RPS6KB1: variants seen among roughly 807,000 people sequenced by gnomAD.
RPS6KB1 encodes the protein ribosomal protein S6 kinase B1.
A neutral mutation model predicts 70.2 loss-of-function variants in RPS6KB1; 12 were observed. That is an observed-to-expected ratio of 0.17 (90% CI 0.11 to 0.28). RPS6KB1 has a LOEUF of 0.28. RPS6KB1 is among the 10% of genes least tolerant of loss of function. The pLI, the probability that RPS6KB1 is intolerant of heterozygous loss-of-function variation, is 1.00. For missense variants in RPS6KB1, 270 were observed against 646.6 expected, an observed-to-expected ratio of 0.42 and a Z score of 6.32; for synonymous variants, 175 against 211.2, an observed-to-expected ratio of 0.83 and a Z score of 1.49.
chr17:59,936,296 G>A lies in RPS6KB1; in HGVS notation c.1041+19G>A. ...AGTTCAAGTAGGGATTGGCATCTTT[G>A]GTGTTTTGTGGGGAAGATAATGCTA... On this transcript the variant is annotated intron_variant, in intron 11 of 14. Transcript: ENST00000225577. The A allele has an allele frequency of 2.5e-6, 4 of 1,585,200 alleles. No homozygotes were observed. Among genetic ancestry groups the A allele is most frequent in the Non-Finnish European group, 3.4e-6 (4 of 1,169,004 alleles).
intron 1 of RPS6KB1, among the ~76,000 whole-genome samples, chr17:59,905,327 G>A (rs1317404842): frequency 1.3e-5 from 2 of 151,972 alleles, no homozygotes; most frequent in Non-Finnish European, 2.9e-5. Flanking sequence ...TTTCTTGATG[G>A]TGTTGGTGTT....
At chr17:59,902,529 T>G (rs1391901678) in intron 1 of RPS6KB1, among the ~76,000 whole-genome samples, 2 of 152,084 alleles carry the variant, frequency 1.3e-5, no homozygotes, top group African/African-American at 4.8e-5. Context: ...TTCATTTGAG[T>G]TATTCATTCA....
At chr17:59,923,637 G>T (rs1034788056) in intron 4 of RPS6KB1, among the ~76,000 whole-genome samples, 4 of 151,932 alleles carry the variant, frequency 2.6e-5, no homozygotes, top group Non-Finnish European at 5.9e-5. Flanking sequence ...CGCCTCCTGA[G>T]TAGCTGGGAT....
In RPS6KB1 at chr17:59,898,232, G is replaced by C. The variant is rs145992504; in HGVS notation, c.141+4907G>C. Among the ~76,000 whole-genome samples the C allele has an allele frequency of 4.1e-3, 619 of 152,076 alleles. 6 individuals carry two copies. The highest frequency in any genetic ancestry group is 0.014 in the African/African-American group (562 of 41,482). On this transcript the variant is annotated intron_variant, in intron 1 of 14. Transcript: ENST00000225577. ...ATGCAATTTAAAAAATTCTCACTTTGTACTCTAATTCAAAATTTGAAATAA... is the reference window on the plus strand; with the variant it reads ...ATGCAATTTAAAAAATTCTCACTTTCTACTCTAATTCAAAATTTGAAATAA...
chr17:59,909,428 C>T (rs1479534509), intron 1 of RPS6KB1, among the ~76,000 whole-genome samples: 1 of 150,778 alleles, frequency 6.6e-6, no homozygotes, highest in African/African-American at 2.4e-5. Flanking sequence ...ACACCGCACC[C>T]GTCTAATTTT....
At position 59,893,981 on chromosome 17, in the gene RPS6KB1, C is replaced by T. The variant is rs1418358805; in HGVS notation, c.141+656C>T. 2.0e-5 allele frequency: 19 copies of T among 966,052 alleles called. No homozygotes were observed. The highest frequency in any genetic ancestry group is 2.3e-5 in the Non-Finnish European group (19 of 813,540). 59.8% of individuals were successfully genotyped at this position (966,052 alleles called of 1,614,324 possible). A position where few individuals can be genotyped will look rare whatever the true frequency, so the allele number is the denominator to read the frequency against. On this transcript the variant is annotated intron_variant, in intron 1 of 14. Transcript: ENST00000225577. This position sits in a 1 kb window ranked among gnomAD's most constrained non-coding sequence, Gnocchi z 4.1. ...CTTCCGTGTGACTTTTTAAAATAAGCATTTATAAGGACACACGGCACTTGT... is the reference window on the plus strand; with the variant it reads ...CTTCCGTGTGACTTTTTAAAATAAGTATTTATAAGGACACACGGCACTTGT...
intron 1 of RPS6KB1, among the ~76,000 whole-genome samples, chr17:59,908,681 C>T (rs1335863812): frequency 7.8e-6 from 1 of 128,860 alleles, no homozygotes; most frequent in Admixed American, 8.2e-5. Flanking sequence ...TGCAGTGGCG[C>T]GATCTCGGCT....
At chr17:59,898,250 T>C (rs984485732) in intron 1 of RPS6KB1, among the ~76,000 whole-genome samples, 2 of 152,116 alleles carry the variant, frequency 1.3e-5, no homozygotes, top group African/African-American at 4.8e-5. Context: ...ATTCAAAATT[T>C]GAAATAATCA....
chr17:59,921,506 C>T (rs545404077), intron 4 of RPS6KB1, among the ~76,000 whole-genome samples: 1 of 152,184 alleles, frequency 6.6e-6, no homozygotes, highest in Non-Finnish European at 1.5e-5. Flanking sequence ...ACTAACCCCT[C>T]TGACCTGAGT....
intron 2 of RPS6KB1, among the ~76,000 whole-genome samples, chr17:59,911,254 T>C (rs962770014): frequency 2.6e-5 from 4 of 152,248 alleles, no homozygotes; most frequent in African/African-American, 9.6e-5. Flanking sequence ...CTGCTCTGTA[T>C]TGTACTCTCA....
intron 4 of RPS6KB1, among the ~76,000 whole-genome samples, chr17:59,914,993 T>C (rs577574860): frequency 4.9e-5 from 7 of 141,646 alleles, no homozygotes; most frequent in African/African-American, 1.8e-4. Flanking sequence ...TTTTCTTTTC[T>C]TTTTTTTTTT....
Position 59,947,368 on chromosome 17 carries a change from T to TA in RPS6KB1, c.*584dup. On this transcript the variant is annotated 3_prime_UTR_variant, in exon 15 of 15. Coordinates refer to ENST00000225577, the MANE Select transcript of RPS6KB1 (RefSeq NM_003161.4). ...TCATTATGAAAAACATCCCAAACTT[T>TA]AAAATGCGAAATTATTGGTTGGTGT... The TA allele has an allele frequency of 8.3e-7, 1 of 1,208,538 alleles. No homozygotes were observed. The highest frequency in any genetic ancestry group is 1.0e-6 in the Non-Finnish European group (1 of 963,368). 74.9% of individuals were successfully genotyped at this position (1,208,538 alleles called of 1,614,324 possible). A position where few individuals can be genotyped will look rare whatever the true frequency, so the allele number is the denominator to read the frequency against.
At chr17:59,943,130 A>G (rs2044713609) in intron 13 of RPS6KB1, among the ~76,000 whole-genome samples, 1 of 152,240 alleles carries the variant, frequency 6.6e-6, no homozygotes. Context: ...GTCTTACAGT[A>G]TTACATAAGA....
intron 1 of RPS6KB1, among the ~76,000 whole-genome samples, chr17:59,900,134 C>A (rs1389992583): frequency 6.8e-6 from 1 of 148,126 alleles, no homozygotes; most frequent in African/African-American, 2.5e-5. Flanking sequence ...TATCCTACTA[C>A]AGCACTCCAG....
chr17:59,900,224 ACACACACC>A (rs1411505375), intron 1 of RPS6KB1, among the ~76,000 whole-genome samples: 2 of 139,448 alleles, frequency 1.4e-5, no homozygotes, highest in African/African-American at 2.8e-5. Context: ...ACACACACAC[ACACACACC>A]CCTATGTGTT....
rs1242457444 is a variant in RPS6KB1 at position 59,947,946 on chromosome 17, CAACA to C, written c.*1159_*1162del. ...TCTACCTTCCTTATATTTTTTTCCT[CAACA>C]GTTTTAAAAAGAAAAAAAGGTCTAT... On this transcript the variant is annotated 3_prime_UTR_variant, in exon 15 of 15. Coordinates refer to ENST00000225577, the MANE Select transcript of RPS6KB1 (RefSeq NM_003161.4). 8.0e-6 allele frequency: 2 copies of C among 249,604 alleles called. No homozygotes were observed. The highest frequency in any genetic ancestry group is 1.5e-5 in the Non-Finnish European group (2 of 131,870). 15.5% of individuals were successfully genotyped at this position (249,604 alleles called of 1,614,324 possible). A position where few individuals can be genotyped will look rare whatever the true frequency, so the allele number is the denominator to read the frequency against.
At chr17:59,936,097 G>A in intron 10 of RPS6KB1, 118 bp from the exon 11 acceptor site, 1 of 880,932 alleles carries the variant, frequency 1.1e-6, no homozygotes, top group Non-Finnish European at 1.8e-6. Context: ...ATGAGCCACT[G>A]TGCCTGGCCA....
chr17:59,919,506 G>A (rs567720182), intron 4 of RPS6KB1, among the ~76,000 whole-genome samples: 69 of 151,724 alleles, frequency 4.5e-4, no homozygotes, highest in Non-Finnish European at 2.9e-4. Flanking sequence ...TTTCTGGGGA[G>A]GATCAGTTGG....
In RPS6KB1 at chr17:59,947,618, T is replaced by G; in HGVS notation, c.*830T>G. The G allele has an allele frequency of 7.6e-7, 1 of 1,323,782 alleles. No homozygotes were observed. Among genetic ancestry groups the G allele is most frequent in the South Asian group, 1.3e-5 (1 of 79,546 alleles). 82.0% of individuals were successfully genotyped at this position (1,323,782 alleles called of 1,614,324 possible). ...TATGTGCTAAGCTTAACTGGAAGCC[T>G]TGGAATGGGCATAAGTTGTATGTCC... On this transcript the variant is annotated 3_prime_UTR_variant, in exon 15 of 15. Coordinates refer to ENST00000225577, the MANE Select transcript of RPS6KB1 (RefSeq NM_003161.4).
Sources: gnomAD v4.1 joint callset for allele counts (sites outside exome capture counted in the v4.1 genomes callset) on GRCh38, gnomAD v4.1.1 for gene constraint, Gnocchi (gnomAD v3.1) non-coding constraint, MANE v1.5 for transcripts, NCBI Gene and HGNC (gene_info 2026-07-23, HGNC 2026-07-21) for gene names.